MTA3: variants seen among roughly 807,000 people sequenced by gnomAD.
The protein encoded by MTA3 is metastasis associated 1 family member 3.
In MTA3, 34 loss-of-function variants were observed where a neutral mutation model predicts 83.5. That is an observed-to-expected ratio of 0.41 (90% confidence interval 0.31 to 0.54). MTA3 has a LOEUF of 0.54. Among genes scored for constraint, MTA3 ranks in the 20% least tolerant of loss-of-function variants. The pLI is 0.33. For missense variants in MTA3, 761 were observed against 726.4 expected (o/e 1.05, Z -0.55); for synonymous variants, 303 against 252.7 (o/e 1.20, Z -1.89).
intron 3 of MTA3, among the ~76,000 whole-genome samples, chr2:42,591,682 G>T (rs184155757): frequency 2.4e-4 from 35 of 148,470 alleles, no homozygotes; most frequent in African/African-American, 8.0e-4. Flanking sequence ...ACGGAGTTTC[G>T]CTCAGTGGCC....
intron 2 of MTA3, among the ~76,000 whole-genome samples, chr2:42,547,745 A>C (rs1676823821): frequency 6.6e-6 from 1 of 152,264 alleles, no homozygotes; most frequent in South Asian, 2.1e-4. Flanking sequence ...TTGTCTATTA[A>C]GCTAGGTTGC....
intron 2 of MTA3, among the ~76,000 whole-genome samples, chr2:42,573,582 G>A (rs2103843955): frequency 6.6e-6 from 1 of 152,040 alleles, no homozygotes; most frequent in South Asian, 2.1e-4. Flanking sequence ...ATGATCTCCG[G>A]TCACTGCAAC....
intron 2 of MTA3, among the ~76,000 whole-genome samples, chr2:42,499,061 G>A (rs932590833): frequency 2.6e-5 from 4 of 152,142 alleles, no homozygotes; most frequent in Admixed American, 2.6e-4. Flanking sequence ...CAAAGGGTAT[G>A]AAGTTTCAGT....
chr2:42,743,485 G>C (rs1200567746), intron 16 of MTA3, among the ~76,000 whole-genome samples: 2 of 152,216 alleles, frequency 1.3e-5, no homozygotes, highest in Non-Finnish European at 2.9e-5. Flanking sequence ...CAGGGCATCT[G>C]AGCCAGGGAA....
At chr2:42,629,499 A>T (rs1686463142) in intron 4 of MTA3, among the ~76,000 whole-genome samples, 1 of 152,176 alleles carries the variant, frequency 6.6e-6, no homozygotes, top group Admixed American at 6.6e-5. Flanking sequence ...CACTGAGCAC[A>T]GCCAGTCAGT....
Position 42,543,193 on chromosome 2 carries a change from T to C in MTA3, c.-140-27244T>C, listed in dbSNP as rs1676598691. On this transcript the variant is annotated intron_variant, in intron 2 of 17. Transcript: ENST00000405592. ...ACATCTTAAACAATTTTTTTTGTTTTTTGAGACAGAGTCTCCCTCTGTCGC... is the reference window on the plus strand; with the variant it reads ...ACATCTTAAACAATTTTTTTTGTTTCTTGAGACAGAGTCTCCCTCTGTCGC... 2.0e-5 allele frequency among the ~76,000 whole-genome samples: 3 copies of C among 152,250 alleles called. No individual in the cohort carries two copies. The South Asian group carries it at 6.2e-4, about 32-fold the overall frequency.
At chr2:42,705,994 T>C (rs1666046850) in intron 12 of MTA3, among the ~76,000 whole-genome samples, 1 of 152,216 alleles carries the variant, frequency 6.6e-6, no homozygotes, top group Non-Finnish European at 1.5e-5. Flanking sequence ...TTGACAATTA[T>C]TAAAATGATT....
rs1000839167 is a variant in MTA3, at chr2:42,609,485, C to T, written c.218C>T (p.Thr73Ile). 7.4e-6 allele frequency: 12 copies of T among 1,613,586 alleles called. No homozygotes were observed. In the African/African-American group the frequency reaches 1.6e-4, roughly 22 times the overall value. The part of the protein sequence containing the change: ...AKEIEEESET[T>I]VEADLTDKQK... Reference sequence around the variant, plus strand: ...GAAATTGAGGAAGAATCTGAAACAACAGTTGAGGCTGACTTGACCGATAAG... The same window carrying T: ...GAAATTGAGGAAGAATCTGAAACAATAGTTGAGGCTGACTTGACCGATAAG... The change falls in exon 4 of 17, where the codon ACA becomes ATA. Residue 73 changes from threonine to isoleucine, a missense_variant. Physicochemically the swap from Thr to Ile is moderately conservative, Grantham distance 89 (BLOSUM62 -1). Coordinates refer to ENST00000405094, the MANE Select transcript of MTA3 (RefSeq NM_001330442.2).
intron 16 of MTA3, among the ~76,000 whole-genome samples, chr2:42,724,479 G>A (rs1667675002): frequency 6.6e-6 from 1 of 151,968 alleles, no homozygotes; most frequent in Non-Finnish European, 1.5e-5. Flanking sequence ...GAGAGACCCT[G>A]TCTCTACAAA....
chr2:42,548,866 A>ATATAATATATATAT (rs1676922290), intron 2 of MTA3, among the ~76,000 whole-genome samples: 4 of 16,714 alleles, frequency 2.4e-4, no homozygotes, highest in African/African-American at 1.6e-3. Flanking sequence ...TATAATATAT[A>ATATAATATATATAT]TATATATATA....
intron 4 of MTA3, among the ~76,000 whole-genome samples, chr2:42,632,932 G>A (rs1443748135): frequency 6.6e-6 from 1 of 151,270 alleles, no homozygotes; most frequent in East Asian, 1.9e-4. Flanking sequence ...AATATTTAAA[G>A]ATTTCCAGAT....
chr2:42,616,596 T>TTTTTTTTTTTTTC (rs1684925837), intron 4 of MTA3, among the ~76,000 whole-genome samples: 1 of 142,280 alleles, frequency 7.0e-6, no homozygotes, highest in Non-Finnish European at 1.5e-5. Flanking sequence ...TTTTTTTTTT[T>TTTTTTTTTTTTTC]GAGACAGGGT....
At chr2:42,707,688 G>A (rs1384101545) in intron 12 of MTA3, among the ~76,000 whole-genome samples, 1 of 151,820 alleles carries the variant, frequency 6.6e-6, no homozygotes, top group Non-Finnish European at 1.5e-5. Context: ...GCTTTAACAG[G>A]GCCACAAGCA....
chr2:42,621,658 C>T (rs982799051), intron 4 of MTA3, among the ~76,000 whole-genome samples: 7 of 150,932 alleles, frequency 4.6e-5, no homozygotes, highest in East Asian at 2.0e-4. Context: ...ACCTCCCAGA[C>T]GGGGTGGCAG....
chr2:42,681,924 A>T (rs1465934918), intron 8 of MTA3, among the ~76,000 whole-genome samples: 2 of 149,504 alleles, frequency 1.3e-5, no homozygotes, highest in African/African-American at 4.9e-5. Flanking sequence ...GTAAATAAAT[A>T]AAAAAAAATA....
Position 42,749,165 on chromosome 2 carries a change from G to A in MTA3, c.1760-4209G>A, listed in dbSNP as rs149445449. 2.5e-3 allele frequency among the ~76,000 whole-genome samples: 385 copies of A among 152,282 alleles called. 2 individuals are homozygous for A. Among genetic ancestry groups the A allele is most frequent in the African/African-American group, 8.0e-3 (333 of 41,562 alleles). On this transcript the variant is annotated intron_variant, in intron 16 of 16. Transcript: ENST00000405094. ...GAGGGGAGTTTGTATGTAGATTTGA[G>A]GGCTCCCCCTTCTGTGTCTCCTTCC...
chr2:42,525,060 A>T (rs1221743119), intron 2 of MTA3, among the ~76,000 whole-genome samples: 1 of 150,978 alleles, frequency 6.6e-6, no homozygotes, highest in African/African-American at 2.4e-5. Flanking sequence ...TGCACCCATT[A>T]ACTCATCCTT....
At chr2:42,534,003 G>A (rs566641923) in intron 2 of MTA3, among the ~76,000 whole-genome samples, 4 of 152,060 alleles carry the variant, frequency 2.6e-5, no homozygotes, top group Admixed American at 6.6e-5. Context: ...GGGCCCTAGC[G>A]AGATCTCCTG....
At chr2:42,515,153 G>A (rs921997801) in intron 2 of MTA3, among the ~76,000 whole-genome samples, 1 of 151,976 alleles carries the variant, frequency 6.6e-6, no homozygotes, top group African/African-American at 2.4e-5. Context: ...CTGCCTCCCG[G>A]GTTCAAGCAA....
Sources: gnomAD v4.1 joint callset for allele counts (sites outside exome capture counted in the v4.1 genomes callset) on GRCh38, gnomAD v4.1.1 for gene constraint, MANE v1.5 for transcripts, NCBI Gene and HGNC (gene_info 2026-07-23, HGNC 2026-07-21) for gene names.